SNTG2: variants seen among roughly 807,000 people sequenced by gnomAD.
The protein encoded by SNTG2 is syntrophin gamma 2, also known as gamma-2-syntrophin.
Under a neutral mutation model 70.9 loss-of-function variants are expected in SNTG2, and 74 were observed. The ratio of observed to expected loss-of-function variants is 1.04; its 90% CI spans 0.86 to 1.27. The LOEUF is 1.27. Ranked by LOEUF, SNTG2 falls within the 50% of genes most tolerant of loss-of-function variation. SNTG2 has a pLI of 0.00. For missense variants in SNTG2, 717 were observed against 690.7 expected, an observed-to-expected ratio of 1.04 and a Z score of -0.43; for synonymous variants, 278 against 273.8, an observed-to-expected ratio of 1.02 and a Z score of -0.15.
At chr2:1,052,515 GA>G (rs1416113428) in intron 1 of SNTG2, among the ~76,000 whole-genome samples, 1 of 152,200 alleles carries the variant, frequency 6.6e-6, no homozygotes, top group East Asian at 1.9e-4. Context: ...TTCTTCCAGA[GA>G]ACTGTTCTTT....
intron 1 of SNTG2, among the ~76,000 whole-genome samples, chr2:977,342 G>A (rs188929819): frequency 1.3e-5 from 2 of 152,322 alleles, no homozygotes; most frequent in African/African-American, 2.4e-5. Flanking sequence ...GTCTGTGAAG[G>A]TGGTCCAGGG....
At chr2:1,046,356 A>G (rs547195990) in intron 1 of SNTG2, among the ~76,000 whole-genome samples, 1 of 152,176 alleles carries the variant, frequency 6.6e-6, no homozygotes, top group South Asian at 2.1e-4. Flanking sequence ...GCATGTTTAC[A>G]TTGAGGTTTA....
At chr2:1,262,739 G>A (rs36182083) in intron 13 of SNTG2, 2 of 101,924 alleles carry the variant, frequency 2.0e-5, no homozygotes, top group African/African-American at 3.2e-5. Context: ...CGAGGCAACC[G>A]GAAGGCTCCG....
intron 12 of SNTG2, among the ~76,000 whole-genome samples, chr2:1,248,039 C>G (rs553920815): frequency 3.9e-5 from 6 of 152,258 alleles, no homozygotes; most frequent in Admixed American, 6.5e-5. Context: ...GTCTGACCAT[C>G]AGAACTGCAA....
chr2:1,226,384 A>T (rs1023556983), intron 9 of SNTG2, among the ~76,000 whole-genome samples: 2 of 152,226 alleles, frequency 1.3e-5, no homozygotes, highest in East Asian at 3.8e-4. Context: ...ATAGAGGTTA[A>T]ATCGGAAGCA....
intron 16 of SNTG2, among the ~76,000 whole-genome samples, chr2:1,329,162 G>C (rs533598573): frequency 1.3e-5 from 2 of 151,772 alleles, no homozygotes; most frequent in South Asian, 4.2e-4. Flanking sequence ...AGAGATCTAG[G>C]GTAATCATTA....
At chr2:1,022,402 C>T (rs1017471848) in intron 1 of SNTG2, among the ~76,000 whole-genome samples, 11 of 151,914 alleles carry the variant, frequency 7.2e-5, no homozygotes, top group Non-Finnish European at 1.6e-4. Flanking sequence ...TTCTCAGGAG[C>T]CTCTGCGTTC....
intron 9 of SNTG2, among the ~76,000 whole-genome samples, chr2:1,228,287 C>T (rs1395047334): frequency 1.3e-5 from 2 of 152,212 alleles, no homozygotes; most frequent in Non-Finnish European, 2.9e-5. Context: ...ATATGGTTCT[C>T]TTAGGATCAG....
intron 8 of SNTG2, among the ~76,000 whole-genome samples, chr2:1,208,236 G>C (rs62107169): frequency 0.2 from 30,146 of 147,282 alleles, 3,390 homozygotes; most frequent in African/African-American, 0.35. Context: ...ACCTGTGAGT[G>C]TGGGGCACAC....
intron 9 of SNTG2, among the ~76,000 whole-genome samples, chr2:1,233,492 C>T (rs1441490093): frequency 1.3e-5 from 2 of 152,178 alleles, no homozygotes; most frequent in Non-Finnish European, 2.9e-5. Flanking sequence ...TGACCGGGCA[C>T]ATGAGAGCTG....
chr2:1,187,498 T>C (rs1672320517), intron 8 of SNTG2, among the ~76,000 whole-genome samples: 1 of 152,178 alleles, frequency 6.6e-6, no homozygotes, highest in Admixed American at 6.5e-5. Context: ...GGCCCATCCC[T>C]TCAGATTTTG....
intron 11 of SNTG2, among the ~76,000 whole-genome samples, chr2:1,243,540 A>G (rs1413849336): frequency 6.6e-6 from 1 of 152,238 alleles, no homozygotes; most frequent in African/African-American, 2.4e-5. Flanking sequence ...TCAAGAATGC[A>G]TACTTTCAAC....
intron 1 of SNTG2, among the ~76,000 whole-genome samples, chr2:979,381 A>G (rs1661024878): frequency 6.6e-6 from 1 of 152,238 alleles, no homozygotes; most frequent in Admixed American, 6.5e-5. Flanking sequence ...ATTTAGGTAC[A>G]AATGCTGCAC....
chr2:1,075,674 A>G (rs1572371170), intron 1 of SNTG2, among the ~76,000 whole-genome samples: 1 of 152,314 alleles, frequency 6.6e-6, no homozygotes, highest in Middle Eastern at 3.4e-3. Flanking sequence ...TCCTCACTCA[A>G]ATGACATTTG....
intron 1 of SNTG2, among the ~76,000 whole-genome samples, chr2:999,305 A>G (rs1468407298): frequency 6.6e-6 from 1 of 152,128 alleles, no homozygotes; most frequent in Non-Finnish European, 1.5e-5. Context: ...AACTTTGAAC[A>G]TAAATGGATG....
rs184986046 is a variant in SNTG2, at chr2:1,247,426, G to A, written c.988G>A (p.Val330Ile). 1.2e-3 allele frequency: 1,899 copies of A among 1,613,144 alleles called. 13 individuals are homozygous for A. Among genetic ancestry groups the A allele is most frequent in the Non-Finnish European group, 8.5e-4 (1,001 of 1,179,132 alleles). ...AGCACTGAAGGGCCCGTCCTTCTAC[G>A]TTTTCAGCACTCCTCCGGTAAGGAT... ...FLALKGPSFY[V>I]FSTPPVSTFD... The change falls in exon 12 of 17, where the codon GTT becomes ATT. Residue 330 changes from valine (V) to isoleucine (I), a missense_variant. By Grantham distance (29) the Val-to-Ile change is conservative. Transcript: ENST00000308624.
chr2:1,323,973 C>G (rs1192662122), intron 16 of SNTG2, among the ~76,000 whole-genome samples: 1 of 152,180 alleles, frequency 6.6e-6, no homozygotes, highest in African/African-American at 2.4e-5. Context: ...GCTAAGACCC[C>G]CCAGTAGGCT....
intron 1 of SNTG2, among the ~76,000 whole-genome samples, chr2:956,732 T>A (rs1184414152): frequency 1.3e-5 from 2 of 152,276 alleles, no homozygotes; most frequent in African/African-American, 4.8e-5. Flanking sequence ...TGCTGCGTGG[T>A]AGCTGACCCA....
chr2:1,270,169 C>A (rs1279702771), intron 14 of SNTG2, among the ~76,000 whole-genome samples: 2 of 152,156 alleles, frequency 1.3e-5, no homozygotes, highest in African/African-American at 2.4e-5. Context: ...CTGAGCTCCA[C>A]CCCAGGTAGT....
Sources: allele counts gnomAD v4.1 joint callset (sites outside exome capture counted in the v4.1 genomes callset), GRCh38; gene constraint gnomAD v4.1.1; transcripts MANE v1.5; gene names NCBI Gene and HGNC (gene_info 2026-07-23, HGNC 2026-07-21).